Variants in HLA-DRB1 observed in about 807,000 individuals in gnomAD.
HLA-DRB1 encodes major histocompatibility complex, class II, DR beta 1 precursor.
HLA-DRB1 carries 10 observed loss-of-function variants against 27.9 expected under a neutral mutation model. The ratio of observed to expected loss-of-function variants is 0.36; its 90% confidence interval spans 0.22 to 0.61. The LOEUF (loss-of-function observed/expected upper bound fraction) is 0.61. Ranked by LOEUF, HLA-DRB1 falls within the 20% of genes least tolerant of loss-of-function variation. HLA-DRB1 has a pLI of 0.73. For missense variants in HLA-DRB1, 118 were observed against 306.3 expected, an observed-to-expected ratio of 0.39 and a Z score of 4.59; for synonymous variants, 57 against 126.7, an observed-to-expected ratio of 0.45 and a Z score of 3.69.
chr6:32,580,359 T>A (rs9269749), intron 4 of HLA-DRB1, 89 bp from the exon 5 acceptor site: 21 of 555,002 alleles, frequency 3.8e-5, no homozygotes, highest in South Asian at 2.1e-5. Context: ...ATCTCCCACC[T>A]GAGATTTCTC....
intron 2 of HLA-DRB1, among the ~76,000 whole-genome samples, chr6:32,582,328 G>T (rs9269836): frequency 0.14 from 15,234 of 108,954 alleles, no homozygotes; most frequent in East Asian, 0.2. Flanking sequence ...ATAGCCTTCA[G>T]TTTATGAGGT....
chr6:32,579,162 C>G lies in HLA-DRB1; in HGVS notation c.788-58G>C, dbSNP rs34374474. On this transcript the variant is annotated intron_variant, in intron 5 of 5. Transcript: ENST00000360004. ...CCTGGCTCTACTAACAGTTTCTTTT[C>G]CCCTCTTTCAAGGGCTCAGATGAGA... 178 of 679,632 alleles carry G rather than the reference C, an allele frequency of 2.6e-4. 1 individual carries two copies. The highest frequency in any genetic ancestry group is 1.5e-4 in the Admixed American group (3 of 20,142). The allele number at this position is 679,632 out of a possible 1,614,324, so 42.1% of individuals were successfully genotyped here.
At chr6:32,586,075 T>G (rs1244392400) in intron 1 of HLA-DRB1, among the ~76,000 whole-genome samples, 6,494 of 68,634 alleles carry the variant, frequency 0.095, no homozygotes, top group Middle Eastern at 0.18. Context: ...CTGGCTGTGT[T>G]AAATATTGGC....
chr6:32,586,198 T>C (rs9469188), intron 1 of HLA-DRB1, among the ~76,000 whole-genome samples: 639 of 120,062 alleles, frequency 5.3e-3, no homozygotes, highest in African/African-American at 0.011. Flanking sequence ...CTCTTCAGCT[T>C]CTTTAGCCTT....
intron 4 of HLA-DRB1, among the ~76,000 whole-genome samples, chr6:32,580,539 C>T (rs28732264): frequency 0.084 from 8,288 of 98,490 alleles, 651 homozygotes; most frequent in East Asian, 0.1. Flanking sequence ...TGTTAACCTT[C>T]CTCTCGTCTC....
At chr6:32,586,316 A>T (rs1319597198) in intron 1 of HLA-DRB1, among the ~76,000 whole-genome samples, 1 of 95,670 alleles carries the variant, frequency 1.0e-5, no homozygotes, top group Non-Finnish European at 2.1e-5. Flanking sequence ...CTCACTCTTC[A>T]AATGGTCCAA....
rs1449169465 is a variant in HLA-DRB1, at chr6:32,583,648, A to G, written c.370+461T>C. On this transcript the variant is annotated intron_variant, in intron 2 of 5. Coordinates refer to ENST00000360004, the Ensembl canonical transcript of HLA-DRB1. ...GGGTGTATGCCAGGGAGAGTCTGGA[A>G]CTGGCCTCCTCACATTATCCCAAAC... Among the ~76,000 whole-genome samples the G allele has an allele frequency of 3.2e-5, 2 of 62,988 alleles. 1 individual carries two copies. Among genetic ancestry groups the G allele is most frequent in the Non-Finnish European group, 6.4e-5 (2 of 31,194 alleles). The allele number at this position is 62,988 out of a possible 152,430, so 41.3% of individuals were successfully genotyped here.
At chr6:32,585,310 C>A (rs143395690) in intron 1 of HLA-DRB1, among the ~76,000 whole-genome samples, 33 of 77,936 alleles carry the variant, frequency 4.2e-4, no homozygotes, top group South Asian at 1.9e-3. Flanking sequence ...AGTCACTACT[C>A]ACTAATGATG....
At chr6:32,585,459 C>CTCGCTCTGTCGCT (rs1776261599) in intron 1 of HLA-DRB1, among the ~76,000 whole-genome samples, 5 of 115,766 alleles carry the variant, frequency 4.3e-5, no homozygotes, top group South Asian at 3.3e-4. Context: ...ACAGGATTAC[C>CTCGCTCTGTCGCT]GTTAAGTGTA....
At chr6:32,580,496 T>A (rs556328535) in intron 4 of HLA-DRB1, among the ~76,000 whole-genome samples, 1,433 of 117,912 alleles carry the variant, frequency 0.012, 52 homozygotes, top group South Asian at 0.037. Flanking sequence ...TTCCTTAATT[T>A]GCTCCAGGAT....
chr6:32,585,975 G>C (rs34865013), intron 1 of HLA-DRB1, among the ~76,000 whole-genome samples: 1 of 66,142 alleles, frequency 1.5e-5, no homozygotes, highest in African/African-American at 6.8e-5. Flanking sequence ...GATGGCGACT[G>C]GATTCATTTT....
chr6:32,584,009 T>TCACACACA, intron 2 of HLA-DRB1, 100 bp downstream of exon 2: 4 of 312,414 alleles, frequency 1.3e-5, no homozygotes, highest in East Asian at 9.7e-5. Context: ...TCTCTCTCTG[T>TCACACACA]CTCTCTCTCA....
At chr6:32,583,627 G>A (rs1485374645) in intron 2 of HLA-DRB1, among the ~76,000 whole-genome samples, 3 of 57,728 alleles carry the variant, frequency 5.2e-5, no homozygotes, top group Admixed American at 2.1e-4. Flanking sequence ...CACGAAGGGT[G>A]TATGCCAGGG....
chr6:32,584,618 G>A (rs9269980), intron 1 of HLA-DRB1, among the ~76,000 whole-genome samples: 14,711 of 116,702 alleles, frequency 0.13, 66 homozygotes, highest in East Asian at 0.19. Context: ...CCCCCTCCCT[G>A]CCTCCAGCCT....
At chr6:32,586,641 G>GC in intron 1 of HLA-DRB1, among the ~76,000 whole-genome samples, 1 of 53,686 alleles carries the variant, frequency 1.9e-5, no homozygotes, top group Non-Finnish European at 3.7e-5. Context: ...ACGTATTGCT[G>GC]CTGCCAACAT....
chr6:32,585,366 G>T (rs35250240), intron 1 of HLA-DRB1, among the ~76,000 whole-genome samples: 1 of 115,838 alleles, frequency 8.6e-6, no homozygotes, highest in Non-Finnish European at 1.8e-5. Flanking sequence ...ATAAAAACAC[G>T]ATCTCTTCTA....
intron 1 of HLA-DRB1, among the ~76,000 whole-genome samples, chr6:32,585,405 C>T (rs1371790528): frequency 7.1e-6 from 1 of 140,486 alleles, no homozygotes; most frequent in Admixed American, 7.3e-5. Flanking sequence ...AACCATAAGC[C>T]TTTTTGTAAT....
intron 1 of HLA-DRB1, among the ~76,000 whole-genome samples, chr6:32,584,747 G>A (rs28724133): frequency 1.1e-5 from 1 of 86,976 alleles, no homozygotes; most frequent in Non-Finnish European, 2.3e-5. Context: ...ACGCTTTACC[G>A]GTACCTTCAA....
chr6:32,584,762 A>C (rs1776151871), intron 1 of HLA-DRB1, among the ~76,000 whole-genome samples: 2 of 72,282 alleles, frequency 2.8e-5, no homozygotes, highest in South Asian at 4.3e-4. Flanking sequence ...CTTCAACAGC[A>C]CCCACCGCGT....
Sources: gnomAD v4.1 joint callset for allele counts (sites outside exome capture counted in the v4.1 genomes callset) on GRCh38, gnomAD v4.1.1 for gene constraint, MANE v1.5 for transcripts, NCBI Gene and HGNC (gene_info 2026-07-23, HGNC 2026-07-21) for gene names.